The following AUTS2 variants were observed in gnomAD, a reference collection of about 807,000 sequenced individuals.
AUTS2 encodes activator of transcription and developmental regulator AUTS2.
Under a neutral mutation model 112.4 loss-of-function variants are expected in AUTS2, and 17 were observed. The observed-to-expected ratio is 0.15, with a 90% CI of 0.10 to 0.23. The LOEUF is 0.23. Among genes scored for constraint, AUTS2 ranks in the 10% least tolerant of loss-of-function variants. The pLI is 1.00. For synonymous variants in AUTS2, 751 were observed against 702.7 expected (o/e 1.07, Z -1.09); for missense variants, 1,510 against 1,701.6 (o/e 0.89, Z 1.98).
intron 4 of AUTS2, among the ~76,000 whole-genome samples, chr7:70,149,933 T>C (rs1807337450): frequency 6.6e-6 from 1 of 151,988 alleles, no homozygotes; most frequent in Non-Finnish European, 1.5e-5. Context: ...GAAATAATGC[T>C]AGCTTATTTG....
intron 4 of AUTS2, among the ~76,000 whole-genome samples, chr7:70,407,871 G>A (rs1261299000): frequency 2.0e-5 from 3 of 151,946 alleles, no homozygotes; most frequent in Non-Finnish European, 2.9e-5. Flanking sequence ...TGGCTAACAC[G>A]GTGAAACCCC....
At chr7:70,061,523 G>A (rs1429796694) in intron 2 of AUTS2, among the ~76,000 whole-genome samples, 1 of 152,068 alleles carries the variant, frequency 6.6e-6, no homozygotes, top group East Asian at 1.9e-4. Context: ...AAAGCAAATA[G>A]GTCATTATGT....
At chr7:70,425,242 T>C (rs2130744433) in intron 4 of AUTS2, among the ~76,000 whole-genome samples, 2 of 152,334 alleles carry the variant, frequency 1.3e-5, no homozygotes, top group South Asian at 4.1e-4. Context: ...TTAAGAAAGA[T>C]GCTTTTACTT....
intron 1 of AUTS2, among the ~76,000 whole-genome samples, chr7:69,721,240 A>G (rs1209858272): frequency 6.6e-6 from 1 of 152,144 alleles, no homozygotes. Flanking sequence ...TGCATTCTCT[A>G]CTGAAGGCTG....
intron 4 of AUTS2, among the ~76,000 whole-genome samples, chr7:70,417,145 C>G (rs1028997153): frequency 2.6e-5 from 4 of 152,198 alleles, no homozygotes; most frequent in African/African-American, 4.8e-5. Context: ...TTTGCCAACA[C>G]ATTTCCAATG....
At chr7:69,914,168 A>G (rs1308111554) in intron 2 of AUTS2, among the ~76,000 whole-genome samples, 1 of 152,038 alleles carries the variant, frequency 6.6e-6, no homozygotes, top group Non-Finnish European at 1.5e-5. Context: ...CTGAGGAGAG[A>G]TATCACCTCC....
At chr7:70,126,886 G>A (rs1806001427) in intron 3 of AUTS2, among the ~76,000 whole-genome samples, 1 of 152,094 alleles carries the variant, frequency 6.6e-6, no homozygotes, top group Non-Finnish European at 1.5e-5. Context: ...GAGTGCAATG[G>A]TGCGATCTCG....
At chr7:70,651,594 A>G (rs1806510675) in intron 5 of AUTS2, among the ~76,000 whole-genome samples, 1 of 152,148 alleles carries the variant, frequency 6.6e-6, no homozygotes. Flanking sequence ...TGAGGATCTC[A>G]TGTAATTTAT....
intron 2 of AUTS2, among the ~76,000 whole-genome samples, chr7:69,959,341 C>A (rs887792672): frequency 1.3e-5 from 2 of 152,174 alleles, no homozygotes; most frequent in African/African-American, 4.8e-5. Flanking sequence ...TCATTCAGTT[C>A]TCTCAAAAAT....
intron 4 of AUTS2, among the ~76,000 whole-genome samples, chr7:70,153,563 G>A (rs1807573480): frequency 6.6e-6 from 1 of 152,136 alleles, no homozygotes; most frequent in Non-Finnish European, 1.5e-5. Flanking sequence ...CTTTAAATAT[G>A]TGCAGTTTAT....
intron 1 of AUTS2, among the ~76,000 whole-genome samples, chr7:69,822,018 T>C (rs1489376783): frequency 6.6e-6 from 1 of 150,774 alleles, no homozygotes; most frequent in Non-Finnish European, 1.5e-5. Flanking sequence ...AAGATTAGAG[T>C]TGTAATCATG....
At chr7:70,367,625 G>A (rs1012284156) in intron 4 of AUTS2, among the ~76,000 whole-genome samples, 2 of 151,854 alleles carry the variant, frequency 1.3e-5, no homozygotes, top group Admixed American at 6.6e-5. Flanking sequence ...GATGAAGAAC[G>A]TAGTTTTGGG....
At chr7:69,891,740 G>A (rs1333288564) in intron 1 of AUTS2, among the ~76,000 whole-genome samples, 1 of 47,172 alleles carries the variant, frequency 2.1e-5, no homozygotes, top group Admixed American at 2.4e-4. Flanking sequence ...GTTAACTATT[G>A]TTTTATGTAT....
At chr7:70,084,913 C>T (rs1222783769) in intron 2 of AUTS2, among the ~76,000 whole-genome samples, 1 of 152,068 alleles carries the variant, frequency 6.6e-6, no homozygotes, top group Non-Finnish European at 1.5e-5. Flanking sequence ...TGCTCTGTCA[C>T]CCAGGCTGGA....
chr7:70,668,542 A>G (rs1807465718), intron 5 of AUTS2, among the ~76,000 whole-genome samples: 1 of 152,148 alleles, frequency 6.6e-6, no homozygotes, highest in Admixed American at 6.5e-5. Flanking sequence ...GGCCTCTCCT[A>G]CTGGACCTCG....
At chr7:70,170,305 A>C (rs776273790) in intron 4 of AUTS2, among the ~76,000 whole-genome samples, 3 of 151,566 alleles carry the variant, frequency 2.0e-5, no homozygotes, top group African/African-American at 7.3e-5. Context: ...GTCTACAGGC[A>C]TATACCACCG....
chr7:69,628,654 C>T (rs1794076131), intron 1 of AUTS2, among the ~76,000 whole-genome samples: 1 of 152,118 alleles, frequency 6.6e-6, no homozygotes, highest in South Asian at 2.1e-4. Flanking sequence ...GGCGTGTCTT[C>T]ATATGGCTAG....
At chr7:69,749,910 G>A (rs1222509997) in intron 1 of AUTS2, among the ~76,000 whole-genome samples, 1 of 152,104 alleles carries the variant, frequency 6.6e-6, no homozygotes, top group African/African-American at 2.4e-5. Context: ...GCAGAGAACC[G>A]CAGGAAAAGA....
At position 70,417,503 on chromosome 7, in the gene AUTS2, T is replaced by C. The variant is rs1051444499; in HGVS notation, c.661-18249T>C. Among the ~76,000 whole-genome samples, 3 of 152,192 alleles carry C rather than the reference T, an allele frequency of 2.0e-5. No homozygotes were observed. In the East Asian group the frequency reaches 5.8e-4, roughly 29 times the overall value. On this transcript the variant is annotated intron_variant, in intron 4 of 18. Transcript: ENST00000342771. ...AGACTTGGAGAGCACACTTGTCGTC[T>C]TGCAGTGACAGGCGAGAGCTTTGCA...
Sources: gnomAD v4.1 joint callset for allele counts (sites outside exome capture counted in the v4.1 genomes callset) on GRCh38, gnomAD v4.1.1 for gene constraint, MANE v1.5 for transcripts, NCBI Gene and HGNC (gene_info 2026-07-23, HGNC 2026-07-21) for gene names.